INPP5B: variants seen among roughly 807,000 people sequenced by gnomAD.
The protein encoded by INPP5B is inositol polyphosphate-5-phosphatase B, also known as type II inositol 1,4,5-trisphosphate 5-phosphatase.
Under a neutral mutation model 118.5 loss-of-function variants are expected in INPP5B, and 90 were observed. The observed-to-expected ratio is 0.76, with a 90% CI of 0.64 to 0.90. INPP5B has a LOEUF of 0.90. Among genes scored for constraint, INPP5B ranks in the 40% least tolerant of loss-of-function variants. The pLI is 0.00. For missense variants in INPP5B, 984 were observed against 1,125.6 expected, an observed-to-expected ratio of 0.87 and a Z score of 1.80; for synonymous variants, 385 against 418.9, an observed-to-expected ratio of 0.92 and a Z score of 0.99.
intron 3 of INPP5B, 140 bp from the exon 4 acceptor site, chr1:37,944,033 G>A (rs1447285055): frequency 4.5e-6 from 3 of 662,660 alleles, no homozygotes; most frequent in Non-Finnish European, 8.2e-6. Flanking sequence ...CACTCCTCAT[G>A]CCATCTCTGT....
intron 22 of INPP5B, among the ~76,000 whole-genome samples, chr1:37,865,148 A>G (rs1569938768): frequency 6.6e-6 from 1 of 151,494 alleles, no homozygotes; most frequent in African/African-American, 2.4e-5. Flanking sequence ...GCGCCAATGC[A>G]CTCCAGCCTG....
chr1:37,933,804 G>T (rs1435612324), intron 6 of INPP5B, among the ~76,000 whole-genome samples: 1 of 151,086 alleles, frequency 6.6e-6, no homozygotes, highest in African/African-American at 2.4e-5. Context: ...TTTAGGAAGT[G>T]ACAGACCTGG....
At chr1:37,923,720 G>A (rs937811436) in intron 7 of INPP5B, among the ~76,000 whole-genome samples, 3 of 151,722 alleles carry the variant, frequency 2.0e-5, no homozygotes, top group Non-Finnish European at 4.4e-5. Context: ...GATACCCTGA[G>A]GTTGTTAGTG....
At chr1:37,945,478 G>A (rs1646079554) in intron 3 of INPP5B, among the ~76,000 whole-genome samples, 2 of 152,144 alleles carry the variant, frequency 1.3e-5, no homozygotes, top group African/African-American at 4.8e-5. Context: ...AACAAAGCCT[G>A]GGTTTGAACC....
At chr1:37,924,465 G>A (rs114537973) in intron 7 of INPP5B, among the ~76,000 whole-genome samples, 2,024 of 152,018 alleles carry the variant, frequency 0.013, 44 homozygotes, top group African/African-American at 0.047. Flanking sequence ...CACCGCTGCT[G>A]GCCAGCATTT....
intron 7 of INPP5B, among the ~76,000 whole-genome samples, chr1:37,921,645 G>A (rs185529779): frequency 3.4e-4 from 51 of 152,220 alleles, no homozygotes; most frequent in African/African-American, 9.1e-4. Context: ...TCAGGAGTTC[G>A]AGACCAGTCT....
intron 12 of INPP5B, 37 bp downstream of exon 12, chr1:37,886,851 G>A (rs1436973101): frequency 6.7e-7 from 1 of 1,484,168 alleles, no homozygotes; most frequent in East Asian, 2.3e-5. Flanking sequence ...AGGAGCTAAG[G>A]TCCTCAATGT....
At chr1:37,938,311 C>T (rs1645782261) in intron 6 of INPP5B, among the ~76,000 whole-genome samples, 1 of 115,318 alleles carries the variant, frequency 8.7e-6, no homozygotes, top group African/African-American at 3.4e-5. Flanking sequence ...ATAAAATTAA[C>T]ATTAAATTTA....
chr1:37,865,815 G>T lies in INPP5B; in HGVS notation c.2460C>A (p.Tyr820Ter). The T allele has an allele frequency of 6.2e-7, 1 of 1,613,852 alleles. No individual in the cohort carries two copies. Among genetic ancestry groups the T allele is most frequent in the South Asian group, 1.1e-5 (1 of 91,076 alleles). ...ACTCCAAGCAGTTATGGTAGGTGCT[G>T]TAACAGATGACAGGCTCTGGAAGGC... ...LESLPEPVICYSTYHNCLECS... is the reference protein window; with the variant it reads ...LESLPEPVIC Residue 820 changes from tyrosine (Y) to a stop codon, truncating the protein, a stop_gained, in exon 22 of 24, where the codon TAC becomes TAA. Transcript: ENST00000373024. LOFTEE classifies it high-confidence loss of function.
intron 9 of INPP5B, among the ~76,000 whole-genome samples, chr1:37,888,763 A>G (rs1381700019): frequency 6.6e-6 from 1 of 152,230 alleles, no homozygotes; most frequent in African/African-American, 2.4e-5. Flanking sequence ...AAACAATGTT[A>G]TTTTATCTTA....
chr1:37,911,574 C>A (rs189682857), intron 7 of INPP5B, among the ~76,000 whole-genome samples: 1 of 152,236 alleles, frequency 6.6e-6, no homozygotes, highest in East Asian at 1.9e-4. Flanking sequence ...CCACTCTGAC[C>A]CCCTCCACTA....
chr1:37,878,446 C>T, intron 15 of INPP5B, 123 bp from the exon 16 acceptor site: 1 of 1,481,264 alleles, frequency 6.8e-7, no homozygotes, highest in South Asian at 1.3e-5. Context: ...GCTAAGTCAT[C>T]TGAGGCAGCA....
intron 6 of INPP5B, among the ~76,000 whole-genome samples, chr1:37,933,509 C>T (rs1645570295): frequency 6.6e-6 from 1 of 151,814 alleles, no homozygotes; most frequent in Non-Finnish European, 1.5e-5. Context: ...GATCGCACCA[C>T]AGCACTCCAA....
At position 37,897,233 on chromosome 1, in the gene INPP5B, T is replaced by C. The variant is rs1323768496; in HGVS notation, c.533-5779A>G. On this transcript the variant is annotated intron_variant, in intron 7 of 23. Coordinates refer to ENST00000373024, the MANE Select transcript of INPP5B (RefSeq NM_005540.3). ...CGGCCACCACCCCGTCTGGGAGGTGTACCCAACAGCTCATTGAGAACGGGC... is the reference window on the plus strand; with the variant it reads ...CGGCCACCACCCCGTCTGGGAGGTGCACCCAACAGCTCATTGAGAACGGGC... 4.0e-5 allele frequency among the ~76,000 whole-genome samples: 6 copies of C among 151,132 alleles called. No individual in the cohort carries two copies. The East Asian group carries it at 5.9e-4, about 15-fold the overall frequency.
rs1485870844 is a variant in INPP5B, at chr1:37,864,388, G to A, written c.2550C>T (p.Val850=). 3 of 1,612,846 alleles carry A rather than the reference G, an allele frequency of 1.9e-6. No homozygotes were observed. Among genetic ancestry groups the A allele is most frequent in the East Asian group, 4.5e-5 (2 of 44,884 alleles). ...ISTLPIFHKN[V]FHYLMAFLRE... ...GCAAAAACGCCATCAAGTAGTGGAA[G>A]ACATTTTTGTGGAATATGGGGAGAG... The change falls in exon 23 of 24, where the codon GTC becomes GTT. Residue 850 remains valine (V), a synonymous_variant. Coordinates refer to ENST00000373024, the MANE Select transcript of INPP5B (RefSeq NM_005540.3).
At chr1:37,899,192 A>AG (rs1276564663) in intron 7 of INPP5B, among the ~76,000 whole-genome samples, 7 of 148,224 alleles carry the variant, frequency 4.7e-5, no homozygotes, top group South Asian at 4.3e-4. Context: ...AAAAAAAAAA[A>AG]AAGACTAAAG....
At position 37,946,293 on chromosome 1, in the gene INPP5B, CCA is replaced by C; in HGVS notation, c.14_15del (p.Val5GlyfsTer8). On this transcript the variant is annotated frameshift_variant, in exon 2 of 24. Coordinates refer to ENST00000373024, the MANE Select transcript of INPP5B (RefSeq NM_005540.3). LOFTEE classifies it high-confidence loss of function. MDQS[V>X]AIQETLAEGE... ...CCCTCAGCCAGCGTCTCCTGGATTG[CCA>C]CAGACTGGTCCATGCTGGCCCCTGC... 1 of 1,612,144 alleles carries C rather than the reference CCA, an allele frequency of 6.2e-7. No individual in the cohort carries two copies. The highest frequency in any genetic ancestry group is 8.5e-7 in the Non-Finnish European group (1 of 1,179,224).
intron 7 of INPP5B, among the ~76,000 whole-genome samples, chr1:37,911,138 G>A (rs1187877326): frequency 1.3e-5 from 2 of 152,192 alleles, no homozygotes; most frequent in East Asian, 3.9e-4. Flanking sequence ...TTACGTCTGC[G>A]TGTGGTGGCT....
At chr1:37,875,838 T>C (rs1009976640) in intron 16 of INPP5B, 122 bp from the exon 17 acceptor site, 86 of 661,752 alleles carry the variant, frequency 1.3e-4, no homozygotes, top group Non-Finnish European at 2.3e-4. Context: ...ACAAAGGCTA[T>C]AGATTTAGTT....
Sources: gnomAD v4.1 joint callset for allele counts (sites outside exome capture counted in the v4.1 genomes callset) on GRCh38, gnomAD v4.1.1 for gene constraint, MANE v1.5 for transcripts, NCBI Gene and HGNC (gene_info 2026-07-23, HGNC 2026-07-21) for gene names.